Variants in PEX14 observed in about 807,000 individuals in gnomAD.
The protein encoded by PEX14 is peroxisomal membrane protein PEX14.
A neutral mutation model predicts 49.5 loss-of-function variants in PEX14; 15 were observed. The observed-to-expected ratio is 0.30, with a 90% confidence interval of 0.20 to 0.47. The LOEUF (loss-of-function observed/expected upper bound fraction) is 0.47, where lower values mean the gene tolerates loss of function less well. Among genes scored for constraint, PEX14 ranks in the 20% least tolerant of loss-of-function variants. The pLI is 1.00. For missense variants in PEX14, 398 were observed against 494.8 expected, an observed-to-expected ratio of 0.80 and a Z score of 1.86; for synonymous variants, 210 against 212.7, an observed-to-expected ratio of 0.99 and a Z score of 0.11.
intron 4 of PEX14, among the ~76,000 whole-genome samples, chr1:10,615,503 C>CGT (rs1641387284): frequency 6.6e-6 from 1 of 152,228 alleles, no homozygotes; most frequent in Non-Finnish European, 1.5e-5. Context: ...GCGTTTGAAT[C>CGT]GTGCATTGTG....
rs1321087120 is a variant in PEX14, at chr1:10,512,259, A to G, written c.84+16938A>G. On this transcript the variant is annotated intron_variant, in intron 2 of 8. Transcript: ENST00000356607. This position sits in a 1 kb window ranked among gnomAD's most constrained non-coding sequence, Gnocchi z 4.6. ...AGACGTGAGCCACCGTGCCTGGCCC[A>G]AGTCTAAATTTTTAAGGACTAGAGC... 6.6e-6 allele frequency among the ~76,000 whole-genome samples: 1 copy of G among 151,990 alleles called. No homozygotes were observed. The highest frequency in any genetic ancestry group is 2.4e-5 in the African/African-American group (1 of 41,344).
chr1:10,498,144 G>T (rs749964507), intron 2 of PEX14, among the ~76,000 whole-genome samples: 2 of 152,164 alleles, frequency 1.3e-5, no homozygotes, highest in Non-Finnish European at 2.9e-5. Flanking sequence ...GCCGGGCTTG[G>T]TGCCTCATGC....
At chr1:10,579,369 A>G (rs1640244352) in intron 3 of PEX14, among the ~76,000 whole-genome samples, 1 of 152,184 alleles carries the variant, frequency 6.6e-6, no homozygotes, top group South Asian at 2.1e-4. Context: ...ACCAGCAGAC[A>G]TGCATTGAAT....
intron 1 of PEX14, among the ~76,000 whole-genome samples, chr1:10,489,647 TC>T (rs1641436331): frequency 6.6e-6 from 1 of 152,212 alleles, no homozygotes; most frequent in Admixed American, 6.5e-5. Context: ...TGAGGGAACC[TC>T]CAGACAGATT....
chr1:10,604,768 T>G (rs1461011713), intron 4 of PEX14, among the ~76,000 whole-genome samples: 2 of 152,182 alleles, frequency 1.3e-5, no homozygotes. Flanking sequence ...ATCATCTAAT[T>G]ATTTTTGTGC....
rs377127119 is a variant in PEX14 at position 10,623,008 on chromosome 1, G to T, written c.385-11G>T. The T allele has an allele frequency of 2.5e-6, 4 of 1,597,564 alleles. No individual in the cohort carries two copies. The East Asian group carries it at 8.9e-5, about 36-fold the overall frequency. On this transcript the variant is annotated splice_polypyrimidine_tract_variant and intron_variant, in intron 5 of 8. Transcript: ENST00000356607. The surrounding 1 kb of genome is among the most constrained non-coding windows in gnomAD (Gnocchi z 4.4). ...CCGTATGCATTCCTCACCCTGTCCC[G>T]CTTCTTGCAGAAATACCTGCTCCCC... is the stretch of plus-strand genomic sequence containing the variant.
chr1:10,490,832 G>T (rs1641458393), intron 1 of PEX14, among the ~76,000 whole-genome samples: 1 of 151,568 alleles, frequency 6.6e-6, no homozygotes, highest in South Asian at 2.1e-4. Flanking sequence ...CTCCTGGGTA[G>T]TTGGGACTTA....
At chr1:10,564,601 T>C (rs1470497435) in intron 3 of PEX14, among the ~76,000 whole-genome samples, 7 of 148,292 alleles carry the variant, frequency 4.7e-5, no homozygotes, top group South Asian at 2.1e-4. Flanking sequence ...CTTTCTTTTT[T>C]TTTTTTTTTT....
rs763358990 is a variant in PEX14 at position 10,531,257 on chromosome 1, GT to G, written c.85-4953del. Among the ~76,000 whole-genome samples the G allele has an allele frequency of 5.4e-4, 82 of 152,288 alleles. 1 individual carries two copies. The Middle Eastern group carries it at 0.017, about 32-fold the overall frequency. On this transcript the variant is annotated intron_variant, in intron 2 of 8. Transcript: ENST00000356607. ...TGCTAGCATCAGCGTTCTACGATGT[GT>G]TTCTCTGATTAACAGCTGCTTTGCA...
In PEX14 at chr1:10,494,340, C is replaced by T. The variant is rs976741177; in HGVS notation, c.37-934C>T. On this transcript the variant is annotated intron_variant, in intron 1 of 8. Coordinates refer to ENST00000356607, the MANE Select transcript of PEX14 (RefSeq NM_004565.3). This position sits in a 1 kb window ranked among gnomAD's most constrained non-coding sequence, Gnocchi z 4.3. ...AGGCTGCAGGCTGTCTCCTGGGACA[C>T]ACAGATTTTGCTGCACTTGTCTGGA... is the stretch of plus-strand genomic sequence containing the variant. Among the ~76,000 whole-genome samples the T allele has an allele frequency of 3.3e-5, 5 of 152,218 alleles. No homozygotes were observed. Among genetic ancestry groups the T allele is most frequent in the Non-Finnish European group, 5.9e-5 (4 of 68,032 alleles).
chr1:10,478,114 C>T (rs1641227381), intron 1 of PEX14, among the ~76,000 whole-genome samples: 1 of 152,126 alleles, frequency 6.6e-6, no homozygotes, highest in African/African-American at 2.4e-5. Flanking sequence ...TCTCAAACTC[C>T]TGACCTCAGG....
rs1187556834 is a variant in PEX14, at chr1:10,560,915, A to C, written c.169+24618A>C. On this transcript the variant is annotated intron_variant, in intron 3 of 8. Transcript: ENST00000356607. ...GTATTTTTAGTAGAGGCGGGGTTTC[A>C]CCATATTGGCCAGGCTGGTCTCGAA... Among the ~76,000 whole-genome samples, 4 of 150,782 alleles carry C rather than the reference A, an allele frequency of 2.7e-5. No homozygotes were observed. In the East Asian group the frequency reaches 5.9e-4, roughly 22 times the overall value.
At chr1:10,577,556 ATATATATT>A (rs1640175706) in intron 3 of PEX14, among the ~76,000 whole-genome samples, 2 of 5,890 alleles carry the variant, frequency 3.4e-4, no homozygotes, top group African/African-American at 7.4e-4. Flanking sequence ...ATATATATAT[ATATATATT>A]TTTTTTTTTT....
chr1:10,616,776 A>G (rs141627405), intron 4 of PEX14: 1 of 152,004 alleles, frequency 6.6e-6, no homozygotes, highest in African/African-American at 2.4e-5. Context: ...AACTCTCCCC[A>G]CGTCAAGTAG....
At chr1:10,516,164 T>C (rs1033119486) in intron 2 of PEX14, among the ~76,000 whole-genome samples, 2 of 152,232 alleles carry the variant, frequency 1.3e-5, no homozygotes, top group African/African-American at 4.8e-5. Flanking sequence ...CACTGTGAAA[T>C]ACCCTGGGCA....
At chr1:10,533,402 T>G (rs1638704472) in intron 2 of PEX14, among the ~76,000 whole-genome samples, 1 of 152,240 alleles carries the variant, frequency 6.6e-6, no homozygotes, top group Admixed American at 6.5e-5. Flanking sequence ...TTCATATTTT[T>G]GCAAGTTTGA....
chr1:10,604,548 C>CT (rs1355359790), intron 4 of PEX14, among the ~76,000 whole-genome samples: 3 of 152,032 alleles, frequency 2.0e-5, no homozygotes, highest in African/African-American at 7.2e-5. Flanking sequence ...GAGATCGAGT[C>CT]TGCAGTGAAC....
chr1:10,545,608 A>C (rs1639145277), intron 3 of PEX14, among the ~76,000 whole-genome samples: 1 of 152,240 alleles, frequency 6.6e-6, no homozygotes, highest in Non-Finnish European at 1.5e-5. Flanking sequence ...CAGTGCATAA[A>C]CTATCTGGGT....
rs145888212 is a variant in PEX14, at chr1:10,623,085, G to A, written c.451G>A (p.Gly151Ser). 1.0e-4 allele frequency: 166 copies of A among 1,613,660 alleles called. No homozygotes were observed. Among genetic ancestry groups the A allele is most frequent in the African/African-American group, 8.3e-4 (62 of 74,986 alleles). Residue 151 changes from glycine (G) to serine (S), a missense_variant, in exon 6 of 9, where the codon GGT becomes AGT. Gly to Ser is a moderately conservative substitution (Grantham distance 56). This residue lies in a region of PEX14 where 202 missense variants were observed against 298.5 expected (regional missense o/e 0.68). Transcript: ENST00000356607. This position sits in a 1 kb window ranked among gnomAD's most constrained non-coding sequence, Gnocchi z 4.4. ...DRKQLERMEAGLSELSGSVAQ... is the reference protein window; with the variant it reads ...DRKQLERMEASLSELSGSVAQ... ...AAAGCAGCTGGAGAGGATGGAGGCCGGTCTCTCTGAGCTGAGTGGCAGCGT... is the reference window on the plus strand; with the variant it reads ...AAAGCAGCTGGAGAGGATGGAGGCCAGTCTCTCTGAGCTGAGTGGCAGCGT...
Sources: allele counts gnomAD v4.1 joint callset (sites outside exome capture counted in the v4.1 genomes callset), GRCh38; gene constraint gnomAD v4.1.1; regional missense constraint gnomAD v4.1.1; non-coding constraint Gnocchi (gnomAD v3.1); transcripts MANE v1.5; gene names NCBI Gene and HGNC (gene_info 2026-07-23, HGNC 2026-07-21).